Variants in PPARD observed in about 807,000 individuals in gnomAD.
PPARD encodes peroxisome proliferator-activated receptor delta.
A neutral mutation model predicts 39.5 loss-of-function variants in PPARD; 6 were observed. That is an observed-to-expected ratio of 0.15 (90% confidence interval 0.08 to 0.30). PPARD has a LOEUF of 0.30. Ranked by LOEUF, PPARD falls within the 10% of genes least tolerant of loss-of-function variation. The pLI is 1.00. For synonymous variants in PPARD, 210 were observed against 231.3 expected, an observed-to-expected ratio of 0.91 and a Z score of 0.83; for missense variants, 397 against 596.8, an observed-to-expected ratio of 0.67 and a Z score of 3.49.
intron 2 of PPARD, among the ~76,000 whole-genome samples, chr6:35,404,600 G>A (rs1471509741): frequency 6.6e-6 from 1 of 152,242 alleles, no homozygotes; most frequent in African/African-American, 2.4e-5. Flanking sequence ...ACCACGAGGA[G>A]TACGAGGCAC....
chr6:35,361,071 G>C (rs1761902713), intron 2 of PPARD, among the ~76,000 whole-genome samples: 1 of 152,192 alleles, frequency 6.6e-6, no homozygotes, highest in Non-Finnish European at 1.5e-5. Context: ...TTCTCAGAGG[G>C]GGATGAGCTT....
chr6:35,382,486 T>C (rs1763207750), intron 2 of PPARD, among the ~76,000 whole-genome samples: 1 of 152,248 alleles, frequency 6.6e-6, no homozygotes, highest in Admixed American at 6.5e-5. Context: ...AAAATACTTC[T>C]ACTTACTATA....
chr6:35,412,049 C>T lies in PPARD; in HGVS notation c.130+832C>T, dbSNP rs897022343. On this transcript the variant is annotated intron_variant, in intron 3 of 7. Coordinates refer to ENST00000360694, the MANE Select transcript of PPARD (RefSeq NM_006238.5). This position sits in a 1 kb window ranked among gnomAD's most constrained non-coding sequence, Gnocchi z 4.1. ...GTTCAAGTGATTCTCCTGCCTCAGC[C>T]TCCCGAGTAGCTGGGATTATAGGCG... 1.3e-5 allele frequency among the ~76,000 whole-genome samples: 2 copies of T among 152,186 alleles called. No homozygotes were observed. The highest frequency in any genetic ancestry group is 2.9e-5 in the Non-Finnish European group (2 of 68,030).
At chr6:35,350,604 C>G (rs982333168) in intron 2 of PPARD, among the ~76,000 whole-genome samples, 6 of 138,866 alleles carry the variant, frequency 4.3e-5, no homozygotes, top group Admixed American at 2.9e-4. Flanking sequence ...TTCCATTGGT[C>G]TATGTGTCTT....
chr6:35,392,510 G>A (rs1446000768), intron 2 of PPARD, among the ~76,000 whole-genome samples: 1 of 152,052 alleles, frequency 6.6e-6, no homozygotes, highest in East Asian at 2.0e-4. Context: ...ATTGGCCCAG[G>A]AATTCCAAGG....
At chr6:35,408,496 C>T (rs1361184932) in intron 2 of PPARD, among the ~76,000 whole-genome samples, 2 of 152,204 alleles carry the variant, frequency 1.3e-5, no homozygotes, top group Non-Finnish European at 2.9e-5. Context: ...GGGTCTGGTG[C>T]TTCTCAAGTT....
chr6:35,404,740 T>C (rs1298725766), intron 2 of PPARD, among the ~76,000 whole-genome samples: 4 of 152,214 alleles, frequency 2.6e-5, no homozygotes, highest in African/African-American at 9.6e-5. Context: ...GGTGGCTTAG[T>C]TGCTCTGGCC....
chr6:35,355,827 G>C (rs1761580199), intron 2 of PPARD, among the ~76,000 whole-genome samples: 1 of 151,572 alleles, frequency 6.6e-6, no homozygotes, highest in South Asian at 2.1e-4. Context: ...TAGCCAGGAT[G>C]GTCTCGATCT....
At chr6:35,380,472 G>GTTTTT (rs1763082033) in intron 2 of PPARD, among the ~76,000 whole-genome samples, 1 of 31,322 alleles carries the variant, frequency 3.2e-5, no homozygotes, top group Non-Finnish European at 9.3e-5. Flanking sequence ...TTTTTTTTTT[G>GTTTTT]TTTGTTTTTT....
intron 2 of PPARD, among the ~76,000 whole-genome samples, chr6:35,396,737 G>A (rs910892114): frequency 1.3e-5 from 2 of 151,904 alleles, no homozygotes; most frequent in Non-Finnish European, 2.9e-5. Context: ...GACTGAGGCA[G>A]GAGAATCGCT....
intron 2 of PPARD, among the ~76,000 whole-genome samples, chr6:35,353,034 C>T (rs6937510): frequency 0.047 from 7,207 of 152,222 alleles, 398 homozygotes; most frequent in African/African-American, 0.14. Context: ...TACTACTTTT[C>T]AGCATCCTTA....
chr6:35,349,560 C>T (rs1001921836), intron 2 of PPARD, among the ~76,000 whole-genome samples: 1 of 152,112 alleles, frequency 6.6e-6, no homozygotes, highest in Non-Finnish European at 1.5e-5. Context: ...GGGCTGCATG[C>T]AGTCATGGGC....
intron 3 of PPARD, among the ~76,000 whole-genome samples, chr6:35,417,946 G>A (rs993421274): frequency 5.9e-5 from 9 of 152,162 alleles, no homozygotes; most frequent in Admixed American, 3.9e-4. Flanking sequence ...ACATTGTCAC[G>A]TGCAGTGCCA....
At position 35,357,647 on chromosome 6, in the gene PPARD, C is replaced by T. The variant is rs537264305; in HGVS notation, c.-102+10497C>T. ...CGCCTCCCGGGTTCAAGCAATTCTCCTACCTCAGCCTTCCAAGTAGCTGGG... is the reference window on the plus strand; with the variant it reads ...CGCCTCCCGGGTTCAAGCAATTCTCTTACCTCAGCCTTCCAAGTAGCTGGG... On this transcript the variant is annotated intron_variant, in intron 2 of 7. Coordinates refer to ENST00000360694, the MANE Select transcript of PPARD (RefSeq NM_006238.5). Among the ~76,000 whole-genome samples, 433 of 152,092 alleles carry T rather than the reference C, an allele frequency of 2.8e-3. 2 individuals are homozygous for T. The highest frequency in any genetic ancestry group is 4.9e-3 in the Non-Finnish European group (334 of 67,994).
chr6:35,409,177 T>C (rs556291788), intron 2 of PPARD, among the ~76,000 whole-genome samples: 2 of 152,136 alleles, frequency 1.3e-5, no homozygotes, highest in Non-Finnish European at 1.5e-5. Flanking sequence ...TCTTCCACAT[T>C]ATTAAGTTTT....
At chr6:35,394,423 T>G (rs1298380420) in intron 2 of PPARD, among the ~76,000 whole-genome samples, 1 of 152,216 alleles carries the variant, frequency 6.6e-6, no homozygotes, top group Admixed American at 6.5e-5. Context: ...AAACCTTTTT[T>G]TAAAAAACTT....
At chr6:35,356,628 T>G (rs1761628579) in intron 2 of PPARD, among the ~76,000 whole-genome samples, 1 of 152,190 alleles carries the variant, frequency 6.6e-6, no homozygotes, top group Admixed American at 6.5e-5. Context: ...TGTTTGTGCA[T>G]TGTAGGATGT....
At chr6:35,397,556 A>G in intron 2 of PPARD, 1 of 985,368 alleles carries the variant, frequency 1.0e-6, no homozygotes, top group Non-Finnish European at 1.2e-6. Context: ...GGAAAACTGA[A>G]GCCCGTGGAG....
At chr6:35,380,879 G>A (rs1362862033) in intron 2 of PPARD, among the ~76,000 whole-genome samples, 1 of 152,116 alleles carries the variant, frequency 6.6e-6, no homozygotes, top group Admixed American at 6.5e-5. Flanking sequence ...AAAGTGCTTG[G>A]TGCTGATGCC....
Sources: allele counts gnomAD v4.1 joint callset (sites outside exome capture counted in the v4.1 genomes callset), GRCh38; gene constraint gnomAD v4.1.1; non-coding constraint Gnocchi (gnomAD v3.1); transcripts MANE v1.5; gene names NCBI Gene and HGNC (gene_info 2026-07-23, HGNC 2026-07-21).